DYSF: variants seen among roughly 807,000 people sequenced by gnomAD.
The protein encoded by DYSF is dystrophy-associated fer-1-like 1.
Under a neutral mutation model 274.9 loss-of-function variants are expected in DYSF, and 212 were observed. The ratio of observed to expected loss-of-function variants is 0.77; its 90% confidence interval spans 0.69 to 0.86. The LOEUF (loss-of-function observed/expected upper bound fraction) is 0.86, where lower values mean the gene tolerates loss of function less well. DYSF is among the 40% of genes least tolerant of loss of function. The pLI is 0.00. For synonymous variants in DYSF, 1,091 were observed against 1,078.7 expected (o/e 1.01, Z -0.22); for missense variants, 2,666 against 2,783.2 (o/e 0.96, Z 0.95).
intron 14 of DYSF, 104 bp downstream of exon 14, chr2:71,528,505 G>C: frequency 1.0e-6 from 1 of 980,284 alleles, no homozygotes; most frequent in Non-Finnish European, 1.6e-6. Flanking sequence ...CCCCACCAGA[G>C]GTGTGTGCAC....
intron 22 of DYSF, among the ~76,000 whole-genome samples, chr2:71,558,269 CAGG>C (rs2091472479): frequency 6.6e-6 from 1 of 151,970 alleles, no homozygotes; most frequent in South Asian, 2.1e-4. Context: ...AGAGGGTCAG[CAGG>C]AGGAGGAGCC....
chr2:71,484,074 A>T (rs2083168436), intron 3 of DYSF, among the ~76,000 whole-genome samples: 2 of 97,740 alleles, frequency 2.0e-5, no homozygotes, highest in African/African-American at 7.7e-5. Flanking sequence ...TTTTTTTGAG[A>T]CGAAGTCTTG....
intron 33 of DYSF, 121 bp from the exon 34 acceptor site, chr2:71,600,581 G>C (rs756770272): frequency 2.9e-6 from 4 of 1,364,454 alleles, no homozygotes; most frequent in Non-Finnish European, 4.1e-6. Context: ...CTGTGGGAGG[G>C]GGTGCCCTTA....
At chr2:71,626,669 G>T (rs1046270543) in intron 41 of DYSF, among the ~76,000 whole-genome samples, 2 of 151,744 alleles carry the variant, frequency 1.3e-5, no homozygotes, top group African/African-American at 4.8e-5. Flanking sequence ...TTTTTGGGAT[G>T]ATATTGGCTT....
chr2:71,664,189 G>T, intron 45 of DYSF, 79 bp from the exon 46 acceptor site: 2 of 1,596,546 alleles, frequency 1.3e-6, no homozygotes, highest in Non-Finnish European at 1.7e-6. Context: ...CCCTGGGGTA[G>T]TTTCGAGCTC....
At chr2:71,601,204 T>C (rs2093542074) in intron 34 of DYSF, 4 of 593,828 alleles carry the variant, frequency 6.7e-6, no homozygotes, top group East Asian at 2.8e-5. Flanking sequence ...CTCATGGCCC[T>C]GGGCCAGCCA....
At chr2:71,616,673 C>T (rs1158124532) in intron 40 of DYSF, among the ~76,000 whole-genome samples, 10 of 152,066 alleles carry the variant, frequency 6.6e-5, no homozygotes, top group Non-Finnish European at 7.4e-5. Context: ...CTTTAGAAAA[C>T]GATATATTCA....
chr2:71,615,540 C>T lies in DYSF; in HGVS notation c.4464+2130C>T, dbSNP rs545954183. ...GAGCCCTGGCCCTCTGGGGAAGCCC[C>T]TTTTCTGGTATCTGACTTTGTTCCA... is the stretch of plus-strand genomic sequence containing the variant. On this transcript the variant is annotated intron_variant, in intron 40 of 55. Transcript: ENST00000410020. This position sits in a 1 kb window ranked among gnomAD's most constrained non-coding sequence, Gnocchi z 4.9. Among the ~76,000 whole-genome samples the T allele has an allele frequency of 2.0e-5, 3 of 152,248 alleles. No individual in the cohort carries two copies. The highest frequency in any genetic ancestry group is 4.2e-4 in the South Asian group (2 of 4,816).
rs75796187 is a variant in DYSF, at chr2:71,528,407, G to C, written c.1380+6G>C. 1.2e-3 allele frequency: 1,917 copies of C among 1,611,924 alleles called. 25 individuals carry two copies. In the African/African-American group the frequency reaches 0.023, roughly 20 times the overall value. Reference sequence around the variant, plus strand: ...TCAGCTTTGCGGGGAAAATGGTAAGGAGCAAGGGAGCAGGAGGGTTCTCTC... The same window carrying C: ...TCAGCTTTGCGGGGAAAATGGTAAGCAGCAAGGGAGCAGGAGGGTTCTCTC... On this transcript the variant is annotated splice_donor_region_variant and intron_variant, in intron 14 of 55. Coordinates refer to ENST00000410020, the MANE Select transcript of DYSF (RefSeq NM_001130987.2).
At chr2:71,499,585 G>A (rs984849845) in intron 3 of DYSF, among the ~76,000 whole-genome samples, 57 of 152,336 alleles carry the variant, frequency 3.7e-4, no homozygotes, top group African/African-American at 1.3e-3. Context: ...CTGCCATACG[G>A]CAGTAGTAGC....
At chr2:71,453,617 G>C in exon 1 of DYSF, 1 of 340,184 alleles carries the variant, frequency 2.9e-6, no homozygotes, top group Non-Finnish European at 5.8e-6. Context: ...CCAGCCCCCG[G>C]CCATCGCGGC....
intron 40 of DYSF, among the ~76,000 whole-genome samples, chr2:71,618,390 T>A (rs368953295): frequency 4.5e-4 from 3 of 6,738 alleles, no homozygotes; most frequent in Admixed American, 2.0e-3. Context: ...GTAGAGGTGG[T>A]GTGTGTGTGT....
rs1299774812 is a variant in DYSF at position 71,466,854 on chromosome 2, C to T, written c.12C>T (p.Cys4=). The change falls in exon 1 of 56, where the codon TGC becomes TGT. Residue 4 remains cysteine (C), a synonymous_variant. Coordinates refer to ENST00000410020, the MANE Select transcript of DYSF (RefSeq NM_001130987.2). ...GGGGCTGCCCAGCCATGCTGTGCTG[C>T]CTGCTGGTGAGGGCCAGCAACCTCC... MLC[C]LLVRASNLPS... 1 of 1,540,374 alleles carries T rather than the reference C, an allele frequency of 6.5e-7. No homozygotes were observed. The highest frequency in any genetic ancestry group is 1.2e-5 in the South Asian group (1 of 83,680).
intron 22 of DYSF, among the ~76,000 whole-genome samples, chr2:71,561,036 G>C (rs1241981391): frequency 6.6e-6 from 1 of 152,184 alleles, no homozygotes; most frequent in Non-Finnish European, 1.5e-5. Context: ...CTTTCAGGGC[G>C]CCTCCGTGGG....
intron 7 of DYSF, 53 bp from the exon 8 acceptor site, chr2:71,515,570 T>G (rs1308759330): frequency 1.2e-6 from 2 of 1,613,338 alleles, no homozygotes; most frequent in Admixed American, 3.3e-5. Context: ...GGATGGTGGG[T>G]GGTCCTTAAC....
chr2:71,613,439 G>A (rs1204363734), intron 40 of DYSF, 29 bp downstream of exon 40: 1 of 1,588,072 alleles, frequency 6.3e-7, no homozygotes, highest in African/African-American at 1.3e-5. Context: ...AGGGAGGCCT[G>A]GGTCACCTTT....
intron 41 of DYSF, among the ~76,000 whole-genome samples, chr2:71,628,480 G>A (rs1425016598): frequency 6.7e-6 from 1 of 148,924 alleles, no homozygotes; most frequent in African/African-American, 2.5e-5. Context: ...TCCTATAATT[G>A]AGGTCAGTTC....
At chr2:71,606,939 T>A (rs2093658595) in intron 36 of DYSF, among the ~76,000 whole-genome samples, 1 of 152,164 alleles carries the variant, frequency 6.6e-6, no homozygotes, top group African/African-American at 2.4e-5. Context: ...CACCCACTCT[T>A]CTGTCTTCAC....
intron 30 of DYSF, among the ~76,000 whole-genome samples, chr2:71,582,135 G>T (rs62145894): frequency 8.7e-6 from 1 of 114,340 alleles, no homozygotes. Flanking sequence ...AAAAAAAAAG[G>T]CTTTATTGGC....
Sources: allele counts gnomAD v4.1 joint callset (sites outside exome capture counted in the v4.1 genomes callset), GRCh38; gene constraint gnomAD v4.1.1; non-coding constraint Gnocchi (gnomAD v3.1); transcripts MANE v1.5; gene names NCBI Gene and HGNC (gene_info 2026-07-23, HGNC 2026-07-21).